Variants in PLXNA4 observed in about 807,000 individuals in gnomAD.
PLXNA4 encodes plexin A4, also known as plexin-A4.
A neutral mutation model predicts 191.8 loss-of-function variants in PLXNA4; 44 were observed. The observed-to-expected ratio is 0.23, with a 90% CI of 0.18 to 0.29. PLXNA4 has a LOEUF of 0.29. Among genes scored for constraint, PLXNA4 ranks in the 10% least tolerant of loss-of-function variants. PLXNA4 has a pLI of 1.00. For synonymous variants in PLXNA4, 1,082 were observed against 1,009.5 expected (o/e 1.07, Z -1.36); for missense variants, 1,800 against 2,488.8 (o/e 0.72, Z 5.89).
intron 20 of PLXNA4, 30 bp downstream of exon 20, chr7:132,179,657 C>T (rs1796639008): frequency 1.9e-6 from 3 of 1,602,832 alleles, no homozygotes; most frequent in Non-Finnish European, 2.6e-6. Context: ...CGCACACACA[C>T]ATGGCCTCCA....
intron 3 of PLXNA4, among the ~76,000 whole-genome samples, chr7:132,352,550 C>T (rs2116811578): frequency 6.6e-6 from 1 of 152,304 alleles, no homozygotes; most frequent in South Asian, 2.1e-4. Context: ...CTCCCATCCC[C>T]TGCCTGGTCA....
At chr7:132,280,850 G>A (rs751480767) in intron 4 of PLXNA4, among the ~76,000 whole-genome samples, 3 of 152,224 alleles carry the variant, frequency 2.0e-5, no homozygotes, top group Admixed American at 6.5e-5. Flanking sequence ...ATAGCCAGAG[G>A]TCTCTAACTG....
chr7:132,408,509 G>A (rs1440772463), intron 3 of PLXNA4, among the ~76,000 whole-genome samples: 2 of 149,502 alleles, frequency 1.3e-5, no homozygotes, highest in African/African-American at 2.5e-5. Context: ...TGTCACCCAG[G>A]CTGGAGTGCA....
At chr7:132,424,337 C>T (rs1019106144) in intron 3 of PLXNA4, among the ~76,000 whole-genome samples, 43 of 152,186 alleles carry the variant, frequency 2.8e-4, no homozygotes, top group African/African-American at 1.0e-3. Flanking sequence ...TACCAAGTCC[C>T]AATATACTCT....
At chr7:132,404,005 C>T (rs1420349366) in intron 3 of PLXNA4, among the ~76,000 whole-genome samples, 1 of 152,176 alleles carries the variant, frequency 6.6e-6, no homozygotes, top group East Asian at 1.9e-4. Flanking sequence ...GTAGTTGGCC[C>T]TGCTGTTCTG....
intron 3 of PLXNA4, among the ~76,000 whole-genome samples, chr7:132,441,632 C>A (rs1161838539): frequency 6.6e-6 from 1 of 152,188 alleles, no homozygotes; most frequent in African/African-American, 2.4e-5. Context: ...GAATGGAATT[C>A]TTTTTTAAAC....
intron 3 of PLXNA4, among the ~76,000 whole-genome samples, chr7:132,428,631 G>A (rs990954920): frequency 1.3e-5 from 2 of 152,094 alleles, no homozygotes; most frequent in East Asian, 3.9e-4. Context: ...GGAACCGTAT[G>A]GGGCAGCCTG....
At chr7:132,613,711 C>T (rs758558264) in intron 2 of PLXNA4, among the ~76,000 whole-genome samples, 6 of 152,304 alleles carry the variant, frequency 3.9e-5, no homozygotes, top group Admixed American at 1.3e-4. Flanking sequence ...CAGTTATACG[C>T]ATTTGTTGGC....
intron 3 of PLXNA4, among the ~76,000 whole-genome samples, chr7:132,359,937 C>T (rs761057046): frequency 5.9e-5 from 9 of 152,224 alleles, no homozygotes; most frequent in Non-Finnish European, 7.3e-5. Flanking sequence ...CCTGTCTTAT[C>T]TAAATGAAAG....
chr7:132,587,691 C>T (rs1802527829), intron 2 of PLXNA4, among the ~76,000 whole-genome samples: 1 of 152,004 alleles, frequency 6.6e-6, no homozygotes, highest in Non-Finnish European at 1.5e-5. Context: ...GGAGGGAAGT[C>T]AAGGATGAAG....
chr7:132,447,969 G>A (rs1181701499), intron 3 of PLXNA4, among the ~76,000 whole-genome samples: 1 of 151,948 alleles, frequency 6.6e-6, no homozygotes, highest in African/African-American at 2.4e-5. Context: ...CAAGATGATG[G>A]CGCTGCACTC....
intron 4 of PLXNA4, among the ~76,000 whole-genome samples, chr7:132,273,189 T>C (rs1405912890): frequency 6.6e-6 from 1 of 152,156 alleles, no homozygotes; most frequent in Admixed American, 6.5e-5. Context: ...CTCTGAGTGA[T>C]GTCTGTGTTT....
chr7:132,501,406 T>C (rs1798246142), intron 2 of PLXNA4, among the ~76,000 whole-genome samples: 1 of 152,158 alleles, frequency 6.6e-6, no homozygotes, highest in African/African-American at 2.4e-5. Context: ...TCCTCAAACC[T>C]GACTTTGTGC....
chr7:132,331,467 G>T (rs1171426468), intron 3 of PLXNA4, among the ~76,000 whole-genome samples: 1 of 152,202 alleles, frequency 6.6e-6, no homozygotes, highest in East Asian at 1.9e-4. Flanking sequence ...TGCTGCTCAG[G>T]GACCTGGGGC....
chr7:132,313,058 CCT>C (rs1484182871), intron 3 of PLXNA4, among the ~76,000 whole-genome samples: 1 of 152,094 alleles, frequency 6.6e-6, no homozygotes, highest in Non-Finnish European at 1.5e-5. Context: ...TGCACCTGGA[CCT>C]CTGTTTGCAG....
chr7:132,154,670 T>C (rs983135760), intron 25 of PLXNA4, among the ~76,000 whole-genome samples: 9 of 152,032 alleles, frequency 5.9e-5, no homozygotes, highest in Admixed American at 2.0e-4. Context: ...AACACAGGGC[T>C]CTGGCATGGC....
chr7:132,394,869 G>C (rs1294734108), intron 3 of PLXNA4, among the ~76,000 whole-genome samples: 3 of 152,212 alleles, frequency 2.0e-5, no homozygotes, highest in Non-Finnish European at 4.4e-5. Flanking sequence ...AAATCTCTCT[G>C]CTTCGCCAGA....
At chr7:132,211,330 A>G (rs916851878) in intron 9 of PLXNA4, among the ~76,000 whole-genome samples, 187 bp from the exon 10 acceptor site, 4 of 152,224 alleles carry the variant, frequency 2.6e-5, no homozygotes, top group Non-Finnish European at 5.9e-5. Flanking sequence ...GAGGAATCCG[A>G]AGTCCTAGTG....
intron 1 of PLXNA4, among the ~76,000 whole-genome samples, chr7:132,647,659 A>G (rs1014525354): frequency 6.9e-6 from 1 of 145,596 alleles, no homozygotes; most frequent in Non-Finnish European, 1.6e-5. Flanking sequence ...TCATACACTC[A>G]CATACACACA....
Sources: gnomAD v4.1 joint callset for allele counts (sites outside exome capture counted in the v4.1 genomes callset) on GRCh38, gnomAD v4.1.1 for gene constraint, MANE v1.5 for transcripts, NCBI Gene and HGNC (gene_info 2026-07-23, HGNC 2026-07-21) for gene names.